The following CASQ2 variants were observed in gnomAD, a reference collection of about 807,000 sequenced individuals.
CASQ2 encodes the protein calsequestrin 2.
In CASQ2, 49 loss-of-function variants were observed where a neutral mutation model predicts 46.5. That is an observed-to-expected ratio of 1.05 (90% CI 0.84 to 1.34). The LOEUF (loss-of-function observed/expected upper bound fraction) is 1.34, where lower values mean the gene tolerates loss of function less well. Among genes scored for constraint, CASQ2 ranks in the 40% most tolerant of loss-of-function variants. The probability of loss-of-function intolerance (pLI) is 0.00; values close to 1 mark genes in which losing one functional copy is unlikely to be tolerated. For synonymous variants in CASQ2, 174 were observed against 168.5 expected (o/e 1.03, Z -0.25); for missense variants, 486 against 481.3 (o/e 1.01, Z -0.09).
At chr1:115,712,843 G>A (rs1654589529) in intron 8 of CASQ2, among the ~76,000 whole-genome samples, 1 of 132,492 alleles carries the variant, frequency 7.5e-6, no homozygotes. Flanking sequence ...GCAATAGAGG[G>A]AGACTGCCTC....
At chr1:115,705,114 T>C in intron 9 of CASQ2, 78 bp downstream of exon 9, 5 of 953,520 alleles carry the variant, frequency 5.2e-6, no homozygotes, top group Non-Finnish European at 8.7e-6. Flanking sequence ...CCCTGCCTAT[T>C]TCACCTCCTC....
chr1:115,701,409 C>T lies in CASQ2; in HGVS notation c.1032G>A (p.Met344Ile), dbSNP rs780543114. The change falls in exon 11 of 11, where the codon ATG becomes ATA. Residue 344 changes from methionine to isoleucine, a missense_variant. By Grantham distance (10) the Met-to-Ile change is conservative (BLOSUM62 1). Transcript: ENST00000261448. ...VNVTDADSVW[M>I]EIPDDDDLPT... The stretch of plus-strand genomic sequence containing the variant: ...GAAGATCGTCATCATCTGGAATCTC[C>T]ATCCAGACACTGTCAGCCTGCAGTG... The T allele has an allele frequency of 6.2e-7, 1 of 1,611,888 alleles. No individual in the cohort carries two copies. The highest frequency in any genetic ancestry group is 1.1e-5 in the South Asian group (1 of 91,002).
chr1:115,714,180 C>T (rs1654631720), intron 8 of CASQ2, among the ~76,000 whole-genome samples: 1 of 152,190 alleles, frequency 6.6e-6, no homozygotes, highest in Non-Finnish European at 1.5e-5. Context: ...TCAGCCTCAG[C>T]TTCCTCAGTT....
chr1:115,706,741 G>T lies in CASQ2; in HGVS notation c.839-1449C>A, dbSNP rs144671744. ...TTCTTTGCACAGTTTTTCTTCTTTT[G>T]TCTGGAGTCTCAGCAAACTTGAGCT... On this transcript the variant is annotated intron_variant, in intron 8 of 10. Coordinates refer to ENST00000261448, the MANE Select transcript of CASQ2 (RefSeq NM_001232.4). Among the ~76,000 whole-genome samples, 51 of 152,142 alleles carry T rather than the reference G, an allele frequency of 3.4e-4. No homozygotes were observed. The East Asian group carries it at 5.2e-3, about 16-fold the overall frequency.
At chr1:115,764,376 T>C (rs144043547) in intron 1 of CASQ2, among the ~76,000 whole-genome samples, 106 of 152,296 alleles carry the variant, frequency 7.0e-4, no homozygotes, top group African/African-American at 2.4e-3. Flanking sequence ...TAATTCCCAA[T>C]TGAAAAATGT....
chr1:115,732,864 A>T, intron 5 of CASQ2, 37 bp downstream of exon 5: 2 of 1,462,328 alleles, frequency 1.4e-6, no homozygotes, highest in Non-Finnish European at 1.9e-6. Context: ...CTTCATGCCT[A>T]CAAAACTGTT....
intron 7 of CASQ2, among the ~76,000 whole-genome samples, 155 bp downstream of exon 7, chr1:115,725,353 C>T (rs964453180): frequency 1.1e-4 from 17 of 152,132 alleles, no homozygotes; most frequent in African/African-American, 3.9e-4. Flanking sequence ...AGTTCTGAGC[C>T]GTCGTACCCA....
At chr1:115,727,246 A>G (rs776923184) in intron 5 of CASQ2, 124 bp from the exon 6 acceptor site, 16 of 751,576 alleles carry the variant, frequency 2.1e-5, no homozygotes, top group Non-Finnish European at 3.7e-5. Flanking sequence ...TACAGTTTTA[A>G]CTTCAATGTT....
chr1:115,741,313 G>C (rs976157596), intron 2 of CASQ2, among the ~76,000 whole-genome samples: 4 of 152,192 alleles, frequency 2.6e-5, no homozygotes, highest in African/African-American at 9.7e-5. Flanking sequence ...ATATGAAAAG[G>C]TGAGTAAAGG....
intron 1 of CASQ2, among the ~76,000 whole-genome samples, chr1:115,750,540 A>T (rs1553196328): frequency 6.6e-6 from 1 of 152,072 alleles, no homozygotes; most frequent in Non-Finnish European, 1.5e-5. Context: ...ACTTGGTCTC[A>T]CTCCTTTGCC....
In CASQ2 at chr1:115,725,122, A is replaced by G. The variant is rs1035539091; in HGVS notation, c.783+386T>C. Among the ~76,000 whole-genome samples, 58 of 152,140 alleles carry G rather than the reference A, an allele frequency of 3.8e-4. 1 individual carries two copies. The highest frequency in any genetic ancestry group is 1.3e-3 in the African/African-American group (55 of 41,436). On this transcript the variant is annotated intron_variant, in intron 7 of 10. Coordinates refer to ENST00000261448, the MANE Select transcript of CASQ2 (RefSeq NM_001232.4). ...CACTCTGTTGCCCAGGCTGGAGCGC[A>G]GTGCCAGGATCACAGCTCATTGCAG...
chr1:115,702,498 C>T (rs955664645), intron 10 of CASQ2, among the ~76,000 whole-genome samples: 6 of 152,246 alleles, frequency 3.9e-5, no homozygotes, highest in Admixed American at 2.6e-4. Context: ...TTCTGCAGGC[C>T]TGGTCTCCTG....
rs1434685788 is a variant in CASQ2, at chr1:115,701,381, T to G, written c.1060A>C (p.Thr354Pro). 6.2e-7 allele frequency: 1 copy of G among 1,613,888 alleles called. No homozygotes were observed. Among genetic ancestry groups the G allele is most frequent in the African/African-American group, 1.3e-5 (1 of 74,906 alleles). The change falls in exon 11 of 11, where the codon ACT becomes CCT. Residue 354 changes from threonine to proline, a missense_variant. Coordinates refer to ENST00000261448, the MANE Select transcript of CASQ2 (RefSeq NM_001232.4). Reference sequence around the variant, plus strand: ...ATCCAGTCCTCCAGCTCCTCAGCAGTTGGAAGATCGTCATCATCTGGAATC... The same window carrying G: ...ATCCAGTCCTCCAGCTCCTCAGCAGGTGGAAGATCGTCATCATCTGGAATC... Reference protein sequence around the residue: ...MEIPDDDDLPTAEELEDWIED... With the variant: ...MEIPDDDDLPPAEELEDWIED...
Position 115,746,797 on chromosome 1 carries a change from G to C in CASQ2, c.235-1885C>G, listed in dbSNP as rs567930519. ...GTTATTTCATCTTCTTTTTTGATTTGACAAATAATAATTGTACATATCCAT... is the reference window on the plus strand; with the variant it reads ...GTTATTTCATCTTCTTTTTTGATTTCACAAATAATAATTGTACATATCCAT... On this transcript the variant is annotated intron_variant, in intron 1 of 10. Coordinates refer to ENST00000261448, the MANE Select transcript of CASQ2 (RefSeq NM_001232.4). 1.6e-4 allele frequency among the ~76,000 whole-genome samples: 24 copies of C among 151,242 alleles called. 1 individual carries two copies. The highest frequency in any genetic ancestry group is 2.9e-5 in the Non-Finnish European group (2 of 67,840).
chr1:115,761,471 A>AGAG, intron 1 of CASQ2, among the ~76,000 whole-genome samples: 1 of 14,516 alleles, frequency 6.9e-5, no homozygotes, highest in East Asian at 3.2e-3. Context: ...AAGGAGAAGA[A>AGAG]GAAGAAGAAG....
intron 1 of CASQ2, among the ~76,000 whole-genome samples, chr1:115,746,059 T>C (rs968180680): frequency 1.3e-5 from 2 of 152,240 alleles, no homozygotes; most frequent in Non-Finnish European, 2.9e-5. Context: ...AAGAATGTTA[T>C]GTAAATGGAA....
Position 115,705,308 on chromosome 1 carries a change from A to G in CASQ2, c.839-16T>C, listed in dbSNP as rs905957725. 6.5e-7 allele frequency: 1 copy of G among 1,546,576 alleles called. No individual in the cohort carries two copies. Among genetic ancestry groups the G allele is most frequent in the Non-Finnish European group, 8.9e-7 (1 of 1,118,646 alleles). ...TCGTAGCCATCTGAAACAGGATTCA[A>G]GAGAGTTGAGTAACCCCTGCACATA... On this transcript the variant is annotated splice_polypyrimidine_tract_variant and intron_variant, in intron 8 of 10. Coordinates refer to ENST00000261448, the MANE Select transcript of CASQ2 (RefSeq NM_001232.4).
chr1:115,710,188 C>T (rs557679234), intron 8 of CASQ2, among the ~76,000 whole-genome samples: 146 of 152,298 alleles, frequency 9.6e-4, no homozygotes, highest in Non-Finnish European at 9.7e-4. Context: ...TCTATAATCA[C>T]GCTGCTCCAA....
chr1:115,759,003 G>A (rs1648850061), intron 1 of CASQ2, among the ~76,000 whole-genome samples: 1 of 152,196 alleles, frequency 6.6e-6, no homozygotes, highest in Non-Finnish European at 1.5e-5. Context: ...ATAGAGGAGG[G>A]TAGAGAAGGT....
Sources: gnomAD v4.1 joint callset for allele counts (sites outside exome capture counted in the v4.1 genomes callset) on GRCh38, gnomAD v4.1.1 for gene constraint, MANE v1.5 for transcripts, NCBI Gene and HGNC (gene_info 2026-07-23, HGNC 2026-07-21) for gene names.